Variants in LRP8 observed in about 807,000 individuals in gnomAD.
LRP8 encodes low-density lipoprotein receptor-related protein 8.
LRP8 carries 46 observed loss-of-function variants against 111.6 expected under a neutral mutation model. The observed-to-expected ratio is 0.41, with a 90% CI of 0.33 to 0.53. The LOEUF is 0.53. Ranked by LOEUF, LRP8 falls within the 20% of genes least tolerant of loss-of-function variation. The pLI is 0.20. For synonymous variants in LRP8, 464 were observed against 511.2 expected (o/e 0.91, Z 1.24); for missense variants, 959 against 1,297.4 (o/e 0.74, Z 4.01).
chr1:53,246,998 C>T lies in LRP8; in HGVS notation c.*20G>A, dbSNP rs377747327. 1.3e-5 allele frequency: 21 copies of T among 1,604,054 alleles called. No individual in the cohort carries two copies. Among genetic ancestry groups the T allele is most frequent in the Admixed American group, 8.6e-5 (5 of 57,916 alleles). On this transcript the variant is annotated 3_prime_UTR_variant, in exon 19 of 19. Transcript: ENST00000306052. ...GCATGGGACTGAATTCCATGAGGCA[C>T]GAAGGGGGTGATCCCATCCTCAGGG...
At chr1:53,305,160 A>G (rs1651702623) in intron 2 of LRP8, 1 of 152,182 alleles carries the variant, frequency 6.6e-6, no homozygotes, top group South Asian at 2.1e-4. Flanking sequence ...TCCCACAAAA[A>G]CAGGTGAAGG....
intron 16 of LRP8, among the ~76,000 whole-genome samples, chr1:53,251,274 G>A (rs1355798157): frequency 6.6e-6 from 1 of 152,146 alleles, no homozygotes; most frequent in East Asian, 1.9e-4. Flanking sequence ...GAATGAATGA[G>A]TGAATTTTAC....
chr1:53,253,934 A>G (rs1645983331), intron 16 of LRP8, among the ~76,000 whole-genome samples: 1 of 152,200 alleles, frequency 6.6e-6, no homozygotes, highest in Non-Finnish European at 1.5e-5. Flanking sequence ...TGCCTGATTA[A>G]AGACTGAAAG....
rs114491458 is a variant in LRP8, at chr1:53,296,796, C to T, written c.245-7107G>A. 1.9e-3 allele frequency among the ~76,000 whole-genome samples: 285 copies of T among 152,346 alleles called. 2 individuals carry two copies. Among genetic ancestry groups the T allele is most frequent in the African/African-American group, 6.5e-3 (271 of 41,576 alleles). On this transcript the variant is annotated intron_variant, in intron 2 of 18. Coordinates refer to ENST00000306052, the MANE Select transcript of LRP8 (RefSeq NM_004631.5). ...ACCCCACCCGGGGGCCCTGGCCTGA[C>T]GGCCGTCCCACTACCAGAGCCACCC...
intron 2 of LRP8, among the ~76,000 whole-genome samples, chr1:53,323,718 G>A (rs969683795): frequency 6.6e-6 from 1 of 152,226 alleles, no homozygotes; most frequent in Non-Finnish European, 1.5e-5. Flanking sequence ...GATGAGGCTC[G>A]GGACTTAGAA....
Position 53,275,882 on chromosome 1 carries a change from T to C in LRP8, c.884-129A>G. The C allele has an allele frequency of 8.4e-7, 1 of 1,190,212 alleles. No homozygotes were observed. The highest frequency in any genetic ancestry group is 1.2e-6 in the Non-Finnish European group (1 of 856,672). 73.7% of individuals were successfully genotyped at this position (1,190,212 alleles called of 1,614,324 possible). A position where few individuals can be genotyped will look rare whatever the true frequency, so the allele number is the denominator to read the frequency against. Reference sequence around the variant, plus strand: ...AACCAGTGGCTGAACTCAGGAGTCCTCAAAGGACACCTGGCCAAGGCACCT... The same window carrying C: ...AACCAGTGGCTGAACTCAGGAGTCCCCAAAGGACACCTGGCCAAGGCACCT... On this transcript the variant is annotated intron_variant, in intron 5 of 18. Transcript: ENST00000306052. The surrounding 1 kb of genome is among the most constrained non-coding windows in gnomAD (Gnocchi z 4.4).
At position 53,275,663 on chromosome 1, in the gene LRP8, G is replaced by A. The variant is rs747757258; in HGVS notation, c.974C>T (p.Pro325Leu). ...IKHCNQEQDC[P>L]DGSDEAGCLQ... ...GCAGCCAGCTTCATCACTCCCATCT[G>A]GACAGTCCTGCTCCTGGTTGCAGTG... The change falls in exon 6 of 19, where the codon CCA becomes CTA. Residue 325 changes from proline (P) to leucine (L), a missense_variant. Physicochemically the swap from Pro to Leu is moderately conservative, Grantham distance 98 (BLOSUM62 -3). Transcript: ENST00000306052. This position sits in a 1 kb window ranked among gnomAD's most constrained non-coding sequence, Gnocchi z 4.4. The A allele has an allele frequency of 2.5e-5, 41 of 1,613,956 alleles. No individual in the cohort carries two copies. Among genetic ancestry groups the A allele is most frequent in the Non-Finnish European group, 3.5e-5 (41 of 1,179,994 alleles).
chr1:53,263,458 C>T (rs529940313), intron 10 of LRP8, among the ~76,000 whole-genome samples: 36 of 152,204 alleles, frequency 2.4e-4, no homozygotes, highest in African/African-American at 8.0e-4. Flanking sequence ...CATGATATAA[C>T]GCTAAAAAAA....
intron 6 of LRP8, among the ~76,000 whole-genome samples, chr1:53,272,849 A>C (rs1010225515): frequency 6.6e-6 from 1 of 151,264 alleles, no homozygotes; most frequent in Non-Finnish European, 1.5e-5. Context: ...CTGTCCTCCC[A>C]CTCACCCACT....
Position 53,246,847 on chromosome 1 carries a change from C to T in LRP8, c.*171G>A. 1 of 599,874 alleles carries T rather than the reference C, an allele frequency of 1.7e-6. No individual in the cohort carries two copies. Among genetic ancestry groups the T allele is most frequent in the Non-Finnish European group, 2.9e-6 (1 of 344,414 alleles). The allele number at this position is 599,874 out of a possible 1,614,324, so 37.2% of individuals were successfully genotyped here. ...TCACATCCTTTGGATGTTTGCAGTT[C>T]ATCATAACTTTGTGGTTACCTTTCC... is the stretch of plus-strand genomic sequence containing the variant. On this transcript the variant is annotated 3_prime_UTR_variant, in exon 19 of 19. Transcript: ENST00000306052.
chr1:53,297,382 C>T (rs962060305), intron 2 of LRP8, among the ~76,000 whole-genome samples: 1 of 152,196 alleles, frequency 6.6e-6, no homozygotes, highest in Non-Finnish European at 1.5e-5. Flanking sequence ...CAAGGCTCGG[C>T]GGTTCCCAGA....
intron 13 of LRP8, 84 bp from the exon 14 acceptor site, chr1:53,258,555 T>C (rs1646197873): frequency 5.3e-6 from 7 of 1,317,138 alleles, no homozygotes; most frequent in Admixed American, 2.2e-5. Context: ...TTCTCCCACC[T>C]GGCTTGCTCA....
At position 53,264,388 on chromosome 1, in the gene LRP8, A is replaced by G. The variant is rs780822325; in HGVS notation, c.1436T>C (p.Met479Thr). The change falls in exon 10 of 19, where the codon ATG becomes ACG. Residue 479 changes from methionine to threonine, a missense_variant. Physicochemically the swap from Met to Thr is moderately conservative, Grantham distance 81. Coordinates refer to ENST00000306052, the MANE Select transcript of LRP8 (RefSeq NM_004631.5). ...LSYRKIYSAY[M>T]DKASDPKEQE... ...CTCTTTCGGGTCACTGGCCTTGTCC[A>G]TGTAGGCGCTTAAGAGAAAACAGAG... 9.9e-6 allele frequency: 16 copies of G among 1,613,274 alleles called. No individual in the cohort carries two copies. Among genetic ancestry groups the G allele is most frequent in the Non-Finnish European group, 1.7e-6 (2 of 1,179,642 alleles).
intron 2 of LRP8, among the ~76,000 whole-genome samples, chr1:53,314,042 G>T (rs1312947825): frequency 6.6e-6 from 1 of 152,142 alleles, no homozygotes; most frequent in Non-Finnish European, 1.5e-5. Flanking sequence ...CCCTATTCAA[G>T]GTGAGGCCTT....
intron 2 of LRP8, among the ~76,000 whole-genome samples, chr1:53,299,373 A>G (rs1463742497): frequency 3.9e-5 from 6 of 152,228 alleles, no homozygotes; most frequent in East Asian, 1.9e-4. Flanking sequence ...GCTTTCACCA[A>G]TTAGGCTGGT....
chr1:53,248,174 C>T (rs934394269), intron 18 of LRP8, among the ~76,000 whole-genome samples: 5 of 152,318 alleles, frequency 3.3e-5, no homozygotes, highest in Non-Finnish European at 4.4e-5. Flanking sequence ...TAGAATCAGA[C>T]TAGTATCTCC....
At chr1:53,248,690 T>C (rs1414561831) in intron 18 of LRP8, among the ~76,000 whole-genome samples, 6 of 152,256 alleles carry the variant, frequency 3.9e-5, no homozygotes, top group African/African-American at 1.4e-4. Flanking sequence ...TGACACACAG[T>C]AGGTGCTCAC....
chr1:53,295,770 C>T (rs1649597987), intron 2 of LRP8, among the ~76,000 whole-genome samples: 2 of 152,204 alleles, frequency 1.3e-5, no homozygotes, highest in African/African-American at 4.8e-5. Flanking sequence ...CTCCAGCCTT[C>T]CAAGCTTGTT....
chr1:53,250,724 C>T lies in LRP8; in HGVS notation c.2642G>A (p.Gly881Glu). 4.3e-6 allele frequency: 7 copies of T among 1,614,064 alleles called. No individual in the cohort carries two copies. The highest frequency in any genetic ancestry group is 5.9e-6 in the Non-Finnish European group (7 of 1,179,978). ...EEEDEDELHIGRTAQIGHVYP... is the reference protein window; with the variant it reads ...EEEDEDELHIERTAQIGHVYP... ...GACATGGCCAATCTGAGCAGTTCTC[C>T]CTATATGGAGCTCATCTTCGTCTTC... The change falls in exon 17 of 19, where the codon GGG becomes GAG. Residue 881 changes from glycine (G) to glutamate (E), a missense_variant. By Grantham distance (98) the Gly-to-Glu change is moderately conservative (BLOSUM62 -2). Around this residue, in one of 3 missense-constraint regions of LRP8, gnomAD observed 819 missense variants for 1,097.6 expected, o/e 0.75. Coordinates refer to ENST00000306052, the MANE Select transcript of LRP8 (RefSeq NM_004631.5). The surrounding 1 kb of genome is among the most constrained non-coding windows in gnomAD (Gnocchi z 4.6).
Sources: allele counts gnomAD v4.1 joint callset (sites outside exome capture counted in the v4.1 genomes callset), GRCh38; gene constraint gnomAD v4.1.1; regional missense constraint gnomAD v4.1.1; non-coding constraint Gnocchi (gnomAD v3.1); transcripts MANE v1.5; gene names NCBI Gene and HGNC (gene_info 2026-07-23, HGNC 2026-07-21).